Variants in MYOM3 observed in about 807,000 individuals in gnomAD.
MYOM3 encodes the protein myomesin 3, also known as myomesin-3.
In MYOM3, 155 loss-of-function variants were observed where a neutral mutation model predicts 191.7. The ratio of observed to expected loss-of-function variants is 0.81; its 90% CI spans 0.71 to 0.92. MYOM3 has a LOEUF of 0.92. Among genes scored for constraint, MYOM3 ranks in the 40% least tolerant of loss-of-function variants. The pLI is 0.00. For synonymous variants in MYOM3, 757 were observed against 762.9 expected (o/e 0.99, Z 0.13); for missense variants, 1,889 against 1,890.6 (o/e 1.00, Z 0.02).
Position 24,092,299 on chromosome 1 carries a change from G to A in MYOM3, c.1107C>T (p.Asn369=). 2.2e-6 allele frequency: 3 copies of A among 1,356,648 alleles called. No homozygotes were observed. Among genetic ancestry groups the A allele is most frequent in the Admixed American group, 2.9e-5 (1 of 34,260 alleles). 84.0% of individuals were successfully genotyped at this position (1,356,648 alleles called of 1,614,324 possible). ...YVLVRDAEAE[N]PGAPGSPLNV... is the part of the protein sequence containing the mutation. ...TCAGTGGGGAGCCTGGGGCCCCGGG[G>A]TTCTCGGCCTCGGCATCTGAAACCC... The change falls in exon 11 of 37, where the codon AAC becomes AAT. Residue 369 remains asparagine (N), a synonymous_variant. Transcript: ENST00000374434.
At chr1:24,091,238 G>A (rs1473971108) in intron 11 of MYOM3, among the ~76,000 whole-genome samples, 1 of 152,188 alleles carries the variant, frequency 6.6e-6, no homozygotes, top group East Asian at 1.9e-4. Context: ...GCCTGTGACT[G>A]TGCTGTGCCC....
In MYOM3 at chr1:24,063,924, TGTGG is replaced by T. The variant is rs1570851724; in HGVS notation, c.3622+144_3622+147del. ...GACCTGGCTCCTGCCACTGACTAGA[TGTGG>T]AATCTTGGGCAAGTTACTTAATCTC... On this transcript the variant is annotated intron_variant, in intron 30 of 36. Coordinates refer to ENST00000374434, the MANE Select transcript of MYOM3 (RefSeq NM_152372.4). This position sits in a 1 kb window ranked among gnomAD's most constrained non-coding sequence, Gnocchi z 4.5. 4 of 660,752 alleles carry T rather than the reference TGTGG, an allele frequency of 6.1e-6. No homozygotes were observed. The East Asian group carries it at 1.1e-4, about 18-fold the overall frequency. 40.9% of individuals were successfully genotyped at this position (660,752 alleles called of 1,614,324 possible). A position where few individuals can be genotyped will look rare whatever the true frequency, so the allele number is the denominator to read the frequency against.
At chr1:24,078,289 A>AT (rs1022050889) in intron 20 of MYOM3, among the ~76,000 whole-genome samples, 9 of 151,482 alleles carry the variant, frequency 5.9e-5, no homozygotes, top group South Asian at 4.2e-4. Flanking sequence ...TAATTTTTGT[A>AT]TTTTTTTTGT....
chr1:24,068,537 G>C (rs534448414), intron 25 of MYOM3, among the ~76,000 whole-genome samples, 170 bp from the exon 26 acceptor site: 1 of 152,040 alleles, frequency 6.6e-6, no homozygotes, highest in East Asian at 1.9e-4. Context: ...CTAGTCCCCC[G>C]GGGTGCTTGA....
intron 27 of MYOM3, 26 bp from the exon 28 acceptor site, chr1:24,067,114 A>G (rs1450855597): frequency 1.3e-6 from 2 of 1,559,954 alleles, no homozygotes; most frequent in South Asian, 1.2e-5. Flanking sequence ...AAATGTGCCC[A>G]CTGTCAGAGA....
At position 24,062,007 on chromosome 1, in the gene MYOM3, G is replaced by A; in HGVS notation, c.3873C>T (p.Tyr1291=). 6.2e-7 allele frequency: 1 copy of A among 1,614,222 alleles called. No individual in the cohort carries two copies. The highest frequency in any genetic ancestry group is 8.5e-7 in the Non-Finnish European group (1 of 1,180,040). The part of the protein sequence containing the change: ...LDPKDSDKGK[Y]TLEIAAGKEV... ...CCTTCCCTGCAGCTATTTCCAGAGT[G>A]TATTTGCCCTTGTCTGAGTCTTTGG... The change falls in exon 33 of 37, where the codon TAC becomes TAT. Residue 1291 remains tyrosine, a synonymous_variant. Coordinates refer to ENST00000374434, the MANE Select transcript of MYOM3 (RefSeq NM_152372.4).
intron 8 of MYOM3, 141 bp downstream of exon 8, chr1:24,095,301 G>C (rs756427810): frequency 1.6e-5 from 13 of 820,192 alleles, no homozygotes; most frequent in Non-Finnish European, 2.4e-5. Context: ...TCAGGTGCAG[G>C]TATTACCAGC....
At chr1:24,090,717 T>C (rs1221072263) in intron 12 of MYOM3, 80 bp downstream of exon 12, 4 of 1,434,580 alleles carry the variant, frequency 2.8e-6, no homozygotes, top group Non-Finnish European at 3.9e-6. Context: ...TCCTGAGGGC[T>C]GGATTGTCTC....
At chr1:24,066,295 C>T (rs1179895686) in intron 28 of MYOM3, 9 of 705,642 alleles carry the variant, frequency 1.3e-5, no homozygotes, top group African/African-American at 5.3e-5. Flanking sequence ...TCATCAATGT[C>T]CTGCCCCATC....
rs1643374338 is a variant in MYOM3, at chr1:24,061,951, C to T, written c.3929G>A (p.Gly1310Glu). The T allele has an allele frequency of 6.2e-7, 1 of 1,614,116 alleles. No individual in the cohort carries two copies. The highest frequency in any genetic ancestry group is 1.1e-5 in the South Asian group (1 of 91,072). Residue 1310 changes from glycine to glutamate, a missense_variant, in exon 33 of 37, where the codon GGG becomes GAG. Coordinates refer to ENST00000374434, the MANE Select transcript of MYOM3 (RefSeq NM_152372.4). ...EVRQLSTDLSGQAFEDAMAEH... is the reference protein window; with the variant it reads ...EVRQLSTDLSEQAFEDAMAEH... ...GACATAGGTGGATGGCTCACCTTGC[C>T]CTGAGAGATCTGTTGAGAGCTGCCG...
At position 24,090,926 on chromosome 1, in the gene MYOM3, G is replaced by A. The variant is rs767893294; in HGVS notation, c.1303C>T (p.Gln435Ter). ...TAGCTCTGACCTTCGACGAGGCCTT[G>A]GATTGGGCACCGACAAGTCCCTCCG... is the stretch of plus-strand genomic sequence containing the variant. Reference protein sequence around the residue: ...APGGTCRCPIQGLVEGQSYRF... With the variant: ...APGGTCRCPI Residue 435 changes from glutamine (Q) to a stop codon, truncating the protein, a stop_gained, in exon 12 of 37, where the codon CAA (glutamine) becomes TAA (stop). Coordinates refer to ENST00000374434, the MANE Select transcript of MYOM3 (RefSeq NM_152372.4). LOFTEE classifies it high-confidence loss of function. The A allele has an allele frequency of 2.9e-5, 46 of 1,613,988 alleles. No individual in the cohort carries two copies. The highest frequency in any genetic ancestry group is 6.6e-5 in the South Asian group (6 of 91,082).
At chr1:24,061,368 G>T in intron 33 of MYOM3, 59 bp from the exon 34 acceptor site, 1 of 1,551,682 alleles carries the variant, frequency 6.4e-7, no homozygotes, top group Non-Finnish European at 8.9e-7. Context: ...TGATGATGGG[G>T]ACAGGGTGAC....
intron 12 of MYOM3, 83 bp downstream of exon 12, chr1:24,090,714 G>T: frequency 7.1e-7 from 1 of 1,407,110 alleles, no homozygotes; most frequent in Admixed American, 1.7e-5. Flanking sequence ...GGCTCCTGAG[G>T]GCTGGATTGT....
intron 5 of MYOM3, among the ~76,000 whole-genome samples, chr1:24,103,751 G>A (rs911160195): frequency 1.3e-5 from 2 of 148,860 alleles, no homozygotes; most frequent in African/African-American, 2.6e-5. Context: ...GATGTAATGC[G>A]TGTCTTAATT....
chr1:24,107,722 G>C (rs1030644488), intron 3 of MYOM3, among the ~76,000 whole-genome samples: 18 of 152,150 alleles, frequency 1.2e-4, no homozygotes, highest in African/African-American at 4.3e-4. Flanking sequence ...CCCCCACCAC[G>C]TGAAGCCCAG....
At chr1:24,100,352 G>A (rs958909817) in intron 5 of MYOM3, among the ~76,000 whole-genome samples, 24 of 152,314 alleles carry the variant, frequency 1.6e-4, no homozygotes, top group Non-Finnish European at 3.5e-4. Flanking sequence ...CACCGCAGGT[G>A]CTCAAGGGTT....
intron 15 of MYOM3, 129 bp downstream of exon 15, chr1:24,086,515 G>T: frequency 1.1e-6 from 1 of 918,340 alleles, no homozygotes; most frequent in Non-Finnish European, 1.6e-6. Context: ...AGATCAAATT[G>T]CTTTTCAGCT....
rs140440257 is a variant in MYOM3 at position 24,109,079 on chromosome 1, A to G, written c.-18-425T>C. ...TGACTCAGGACGGGCAGGCGTCCCC[A>G]TTCTTCCTGCACCGGCCATGTTCAG... is the stretch of plus-strand genomic sequence containing the variant. On this transcript the variant is annotated intron_variant, in intron 1 of 36. Coordinates refer to ENST00000374434, the MANE Select transcript of MYOM3 (RefSeq NM_152372.4). Among the ~76,000 whole-genome samples, 425 of 152,212 alleles carry G rather than the reference A, an allele frequency of 2.8e-3. 2 individuals are homozygous for G. Among genetic ancestry groups the G allele is most frequent in the African/African-American group, 9.4e-3 (392 of 41,536 alleles).
intron 32 of MYOM3, among the ~76,000 whole-genome samples, chr1:24,062,497 A>G (rs1311434036): frequency 6.6e-6 from 1 of 152,158 alleles, no homozygotes; most frequent in Non-Finnish European, 1.5e-5. Context: ...CCTTCTCCAT[A>G]GAGTGGGTGC....
Sources: allele counts gnomAD v4.1 joint callset (sites outside exome capture counted in the v4.1 genomes callset), GRCh38; gene constraint gnomAD v4.1.1; non-coding constraint Gnocchi (gnomAD v3.1); transcripts MANE v1.5; gene names NCBI Gene and HGNC (gene_info 2026-07-23, HGNC 2026-07-21).